Variants in CYTH3 observed in about 807,000 individuals in gnomAD.
CYTH3 encodes the protein cytohesin 3, also known as cytohesin-3.
CYTH3 carries 23 observed loss-of-function variants against 55.1 expected under a neutral mutation model. That is an observed-to-expected ratio of 0.42 (90% CI 0.30 to 0.59). CYTH3 has a LOEUF of 0.59. CYTH3 is among the 20% of genes least tolerant of loss of function. The pLI is 0.20. For missense variants in CYTH3, 413 were observed against 524.8 expected, an observed-to-expected ratio of 0.79 and a Z score of 2.08; for synonymous variants, 249 against 194.9, an observed-to-expected ratio of 1.28 and a Z score of -2.31.
intron 4 of CYTH3, among the ~76,000 whole-genome samples, chr7:6,179,676 C>CACA (rs1783433724): frequency 2.1e-5 from 2 of 95,188 alleles, no homozygotes; most frequent in Non-Finnish European, 4.1e-5. Flanking sequence ...CACACACACA[C>CACA]CACACACACC....
chr7:6,272,408 TCGACCCCCAGCCCCCGGCCCC>T (rs1780688948), intron 1 of CYTH3, 45 bp downstream of exon 1: 53 of 1,206,898 alleles, frequency 4.4e-5, no homozygotes, highest in Non-Finnish European at 4.6e-5. Flanking sequence ...CGCCGCGCCC[TCGACCCCCAGCCCCCGGCCCC>T]CGACCCCAGG....
intron 1 of CYTH3, among the ~76,000 whole-genome samples, chr7:6,205,774 G>A (rs1484423176): frequency 6.7e-6 from 1 of 150,168 alleles, no homozygotes. Context: ...CTATTTGGGA[G>A]GCTGAGACAG....
chr7:6,257,296 C>G (rs1443461855), intron 1 of CYTH3, among the ~76,000 whole-genome samples: 1 of 152,182 alleles, frequency 6.6e-6, no homozygotes, highest in Non-Finnish European at 1.5e-5. Flanking sequence ...TTCCCATACT[C>G]TAACACAAAC....
At chr7:6,238,489 G>C (rs148238182) in intron 1 of CYTH3, among the ~76,000 whole-genome samples, 25 of 152,314 alleles carry the variant, frequency 1.6e-4, no homozygotes, top group African/African-American at 6.0e-4. Context: ...TGTATGCTTA[G>C]TAAATACATT....
At chr7:6,165,175 C>A in intron 12 of CYTH3, 98 bp downstream of exon 12, 1 of 1,552,726 alleles carries the variant, frequency 6.4e-7, no homozygotes, top group Non-Finnish European at 8.7e-7. Context: ...ACAGAAGGTC[C>A]ACTCTTGCAC....
chr7:6,257,445 A>T (rs1780157803), intron 1 of CYTH3, among the ~76,000 whole-genome samples: 1 of 152,256 alleles, frequency 6.6e-6, no homozygotes. Flanking sequence ...TTCTAACAGA[A>T]TATTAAATTG....
intron 4 of CYTH3, among the ~76,000 whole-genome samples, chr7:6,182,908 G>A (rs1364641426): frequency 2.0e-5 from 3 of 152,196 alleles, no homozygotes; most frequent in East Asian, 1.9e-4. Context: ...ACGCTTGGTG[G>A]TGCTTGGTGG....
chr7:6,216,034 A>G (rs1219085878), intron 1 of CYTH3, among the ~76,000 whole-genome samples: 2 of 152,252 alleles, frequency 1.3e-5, no homozygotes, highest in African/African-American at 4.8e-5. Context: ...CTACCCTAAA[A>G]GAATGGCTAG....
chr7:6,204,840 C>T (rs958657099), intron 1 of CYTH3, among the ~76,000 whole-genome samples: 10 of 152,152 alleles, frequency 6.6e-5, no homozygotes, highest in Admixed American at 4.6e-4. Context: ...TCTCTGAACA[C>T]AAAACAATCA....
At chr7:6,187,199 C>A in intron 3 of CYTH3, 83 bp from the exon 4 acceptor site, 2 of 1,437,560 alleles carry the variant, frequency 1.4e-6, no homozygotes, top group Admixed American at 1.7e-5. Flanking sequence ...TACTTTCCCC[C>A]GCAACAACGG....
At chr7:6,181,200 AT>A (rs1411680170) in intron 4 of CYTH3, among the ~76,000 whole-genome samples, 1 of 152,156 alleles carries the variant, frequency 6.6e-6, no homozygotes, top group African/African-American at 2.4e-5. Flanking sequence ...CTTAAAAAAA[AT>A]CTTTTAAACA....
chr7:6,224,166 C>T (rs1779171526), intron 1 of CYTH3, among the ~76,000 whole-genome samples: 1 of 152,076 alleles, frequency 6.6e-6, no homozygotes, highest in East Asian at 1.9e-4. Context: ...TACAGGTATC[C>T]ACCACCATGC....
At chr7:6,173,795 G>A (rs1445295591) in intron 5 of CYTH3, 62 bp from the exon 6 acceptor site, 1 of 974,508 alleles carries the variant, frequency 1.0e-6, no homozygotes, top group African/African-American at 1.6e-5. Context: ...TTTAAAAGAT[G>A]CGGCTGATGA....
intron 1 of CYTH3, among the ~76,000 whole-genome samples, chr7:6,240,049 T>C (rs1434071010): frequency 6.6e-6 from 1 of 152,220 alleles, no homozygotes; most frequent in Non-Finnish European, 1.5e-5. Context: ...CTCACGCCTA[T>C]AATCCCAGCA....
At chr7:6,256,971 A>G (rs565365477) in intron 1 of CYTH3, among the ~76,000 whole-genome samples, 15 of 152,350 alleles carry the variant, frequency 9.8e-5, no homozygotes, top group Non-Finnish European at 1.9e-4. Context: ...GAAAACTGAA[A>G]CATCCTAGTA....
intron 6 of CYTH3, among the ~76,000 whole-genome samples, chr7:6,173,410 G>A (rs1344024378): frequency 1.3e-5 from 2 of 152,202 alleles, no homozygotes; most frequent in African/African-American, 4.8e-5. Flanking sequence ...GAAACGGAAT[G>A]GAAGGAGCAT....
chr7:6,237,653 G>A (rs923598844), intron 1 of CYTH3, among the ~76,000 whole-genome samples: 2 of 152,036 alleles, frequency 1.3e-5, no homozygotes, highest in Non-Finnish European at 2.9e-5. Flanking sequence ...AGGTTGCAGT[G>A]AGCCCAGATC....
At chr7:6,187,010 C>T (rs776948105) in intron 4 of CYTH3, 40 bp downstream of exon 4, 1 of 1,593,134 alleles carries the variant, frequency 6.3e-7, no homozygotes, top group Non-Finnish European at 8.6e-7. Flanking sequence ...ATCAATTAGT[C>T]CATCTCCTGC....
At chr7:6,222,072 T>C (rs1215659181) in intron 1 of CYTH3, among the ~76,000 whole-genome samples, 1 of 152,208 alleles carries the variant, frequency 6.6e-6, no homozygotes, top group East Asian at 1.9e-4. Flanking sequence ...CCTCCAGTCA[T>C]ACAGGTCCTG....
Sources: gnomAD v4.1 joint callset for allele counts (sites outside exome capture counted in the v4.1 genomes callset) on GRCh38, gnomAD v4.1.1 for gene constraint, MANE v1.5 for transcripts, NCBI Gene and HGNC (gene_info 2026-07-23, HGNC 2026-07-21) for gene names.